The following EFL1 variants were observed in gnomAD, a reference collection of about 807,000 sequenced individuals.
EFL1 encodes elongation factor like GTPase 1.
A neutral mutation model predicts 126.7 loss-of-function variants in EFL1; 76 were observed. That is an observed-to-expected ratio of 0.60 (90% CI 0.50 to 0.73). The LOEUF is 0.73. Ranked by LOEUF, EFL1 falls within the 30% of genes least tolerant of loss-of-function variation. EFL1 has a pLI of 0.00. For synonymous variants in EFL1, 410 were observed against 448.4 expected (o/e 0.91, Z 1.08); for missense variants, 1,128 against 1,343.2 (o/e 0.84, Z 2.50).
At chr15:82,225,459 G>C (rs1163772362) in intron 11 of EFL1, among the ~76,000 whole-genome samples, 195 bp from the exon 12 acceptor site, 1 of 152,202 alleles carries the variant, frequency 6.6e-6, no homozygotes, top group African/African-American at 2.4e-5. Context: ...GAATAGCAGA[G>C]CAAGAGCAAA....
At chr15:82,250,663 A>G (rs1205697447) in intron 4 of EFL1, among the ~76,000 whole-genome samples, 1 of 152,092 alleles carries the variant, frequency 6.6e-6, no homozygotes, top group Non-Finnish European at 1.5e-5. Context: ...TGGAAATACA[A>G]ACAGACACCC....
At chr15:82,206,900 T>C (rs1380918223) in intron 15 of EFL1, among the ~76,000 whole-genome samples, 2 of 152,128 alleles carry the variant, frequency 1.3e-5, no homozygotes, top group Non-Finnish European at 2.9e-5. Flanking sequence ...CCTAATATAA[T>C]GCTGATATCA....
At chr15:82,148,970 GC>G (rs1403782931) in intron 18 of EFL1, among the ~76,000 whole-genome samples, 3 of 52,002 alleles carry the variant, frequency 5.8e-5, no homozygotes, top group East Asian at 6.0e-4. Context: ...ACTAACCTAA[GC>G]TTTTTTTTTT....
chr15:82,229,367 C>T (rs1017567178), intron 8 of EFL1, among the ~76,000 whole-genome samples: 3 of 152,156 alleles, frequency 2.0e-5, no homozygotes, highest in Non-Finnish European at 2.9e-5. Flanking sequence ...ATTACCATGG[C>T]TGCCATCAAA....
At chr15:82,132,692 G>GA in intron 19 of EFL1, among the ~76,000 whole-genome samples, 1 of 113,378 alleles carries the variant, frequency 8.8e-6, no homozygotes. Context: ...GGGGGGGGGG[G>GA]GGGGTAGGCA....
intron 15 of EFL1, among the ~76,000 whole-genome samples, chr15:82,208,786 T>A (rs1301083309): frequency 6.6e-6 from 1 of 151,798 alleles, no homozygotes; most frequent in East Asian, 1.9e-4. Flanking sequence ...CCATTCCCGA[T>A]TATTAAAAAA....
intron 16 of EFL1, 28 bp from the exon 17 acceptor site, chr15:82,157,888 A>G (rs2073984372): frequency 2.5e-6 from 4 of 1,602,298 alleles, no homozygotes; most frequent in Non-Finnish European, 3.4e-6. Flanking sequence ...AATAGATTAA[A>G]TATGATATAA....
chr15:82,228,504 C>T (rs988101846), intron 9 of EFL1, among the ~76,000 whole-genome samples, 177 bp from the exon 10 acceptor site: 1 of 152,218 alleles, frequency 6.6e-6, no homozygotes, highest in African/African-American at 2.4e-5. Context: ...TCTACTCTTA[C>T]ACTTTCAAGT....
At chr15:82,169,595 T>C (rs1460779706) in intron 15 of EFL1, among the ~76,000 whole-genome samples, 1 of 152,230 alleles carries the variant, frequency 6.6e-6, no homozygotes, top group Non-Finnish European at 1.5e-5. Context: ...TCATTCATAT[T>C]AGTTCTTTAT....
At chr15:82,255,116 G>T (rs1320166160) in intron 3 of EFL1, among the ~76,000 whole-genome samples, 2 of 152,058 alleles carry the variant, frequency 1.3e-5, no homozygotes, top group African/African-American at 4.8e-5. Context: ...CCAAATTGTT[G>T]GACTGATCCA....
At chr15:82,250,563 T>C (rs1209216085) in intron 4 of EFL1, among the ~76,000 whole-genome samples, 1 of 148,212 alleles carries the variant, frequency 6.7e-6, no homozygotes, top group Admixed American at 6.7e-5. Context: ...GATAATAGGG[T>C]AAGAAGTCAG....
At chr15:82,204,143 A>C (rs2074500274) in intron 15 of EFL1, among the ~76,000 whole-genome samples, 1 of 152,084 alleles carries the variant, frequency 6.6e-6, no homozygotes, top group African/African-American at 2.4e-5. Context: ...CATTTCCTTG[A>C]TTACTTCACA....
intron 1 of EFL1, chr15:82,262,076 C>A (rs1461456334): frequency 2.4e-5 from 7 of 288,088 alleles, no homozygotes; most frequent in Admixed American, 4.7e-5. Context: ...CACAGTGACA[C>A]CAGTAACCCT....
chr15:82,239,382 CG>C (rs2074907997), intron 6 of EFL1, among the ~76,000 whole-genome samples: 1 of 152,130 alleles, frequency 6.6e-6, no homozygotes, highest in African/African-American at 2.4e-5. Context: ...GTGATCCACC[CG>C]CCTCGGCCTC....
At chr15:82,174,664 G>C (rs1407637152) in intron 15 of EFL1, among the ~76,000 whole-genome samples, 1 of 152,092 alleles carries the variant, frequency 6.6e-6, no homozygotes, top group Non-Finnish European at 1.5e-5. Flanking sequence ...TGTTTCTTGA[G>C]GTTAACCAAG....
At chr15:82,202,849 T>C (rs1423324532) in intron 15 of EFL1, among the ~76,000 whole-genome samples, 1 of 151,496 alleles carries the variant, frequency 6.6e-6, no homozygotes, top group Non-Finnish European at 1.5e-5. Context: ...TCTTGCTCTG[T>C]CGTCCAGGCT....
At chr15:82,227,602 T>G in intron 10 of EFL1, 30 bp from the exon 11 acceptor site, 1 of 1,613,694 alleles carries the variant, frequency 6.2e-7, no homozygotes, top group South Asian at 1.1e-5. Context: ...ACTGAAAACC[T>G]TGAGCCAGTG....
At chr15:82,132,058 T>C (rs2073654245) in intron 19 of EFL1, among the ~76,000 whole-genome samples, 1 of 152,096 alleles carries the variant, frequency 6.6e-6, no homozygotes, top group Non-Finnish European at 1.5e-5. Context: ...GATAATAAAA[T>C]AATCCACCCC....
At chr15:82,212,740 A>G (rs1222859373) in intron 15 of EFL1, among the ~76,000 whole-genome samples, 5 of 152,200 alleles carry the variant, frequency 3.3e-5, no homozygotes, top group Admixed American at 3.3e-4. Flanking sequence ...CACAACCCCA[A>G]TATCTTTTGC....
Sources: gnomAD v4.1 joint callset for allele counts (sites outside exome capture counted in the v4.1 genomes callset) on GRCh38, gnomAD v4.1.1 for gene constraint, MANE v1.5 for transcripts, NCBI Gene and HGNC (gene_info 2026-07-23, HGNC 2026-07-21) for gene names.